The following POLR2H variants were observed in gnomAD, a reference collection of about 807,000 sequenced individuals.
POLR2H encodes DNA-directed RNA polymerases I, II, and III subunit RPABC3.
Under a neutral mutation model 18.1 loss-of-function variants are expected in POLR2H, and 3 were observed. The observed-to-expected ratio is 0.17, with a 90% CI of 0.08 to 0.43. The LOEUF (loss-of-function observed/expected upper bound fraction) is 0.43, where lower values mean the gene tolerates loss of function less well. Ranked by LOEUF, POLR2H falls within the 20% of genes least tolerant of loss-of-function variation. The probability of loss-of-function intolerance (pLI) is 0.99; values close to 1 mark genes in which losing one functional copy is unlikely to be tolerated. For synonymous variants in POLR2H, 76 were observed against 69.0 expected, an observed-to-expected ratio of 1.10 and a Z score of -0.50; for missense variants, 103 against 184.6, an observed-to-expected ratio of 0.56 and a Z score of 2.56.
At chr3:184,367,492 C>CTTTTT (rs202193300) in intron 5 of POLR2H, among the ~76,000 whole-genome samples, 4 of 143,110 alleles carry the variant, frequency 2.8e-5, no homozygotes, top group Admixed American at 7.0e-5. Context: ...CTTTTCTTTT[C>CTTTTT]TTTTTTTTTT....
chr3:184,363,421 G>A lies in POLR2H; in HGVS notation c.-72G>A, dbSNP rs1712633031. 7.8e-7 allele frequency: 1 copy of A among 1,281,106 alleles called. No individual in the cohort carries two copies. Among genetic ancestry groups the A allele is most frequent in the Non-Finnish European group, 1.1e-6 (1 of 883,584 alleles). 79.4% of individuals were successfully genotyped at this position (1,281,106 alleles called of 1,614,324 possible). A position where few individuals can be genotyped will look rare whatever the true frequency, so the allele number is the denominator to read the frequency against. ...TTTGGTTCTCTCCGGTCTTGTCCAC[G>A]CTAGGGGGTGCACGTACTCCCAACT... is the stretch of plus-strand genomic sequence containing the variant. On this transcript the variant is annotated 5_prime_UTR_variant, in exon 2 of 6. Coordinates refer to ENST00000456318, the MANE Select transcript of POLR2H (RefSeq NM_006232.5).
rs1712240193 is a variant in POLR2H at position 184,362,133 on chromosome 3, C to G, written c.-634C>G. The G allele has an allele frequency of 6.6e-6, 1 of 151,856 alleles. No homozygotes were observed. The highest frequency in any genetic ancestry group is 2.0e-4 in the East Asian group (1 of 5,082). 9.4% of individuals were successfully genotyped at this position (151,856 alleles called of 1,614,324 possible). On this transcript the variant is annotated 5_prime_UTR_variant, in exon 1 of 6. Coordinates refer to ENST00000456318, the MANE Select transcript of POLR2H (RefSeq NM_006232.5). The surrounding 1 kb of genome is among the most constrained non-coding windows in gnomAD (Gnocchi z 5.9). ...CCGTCTTCCTCATCCTTCCTTTTCTCGGGGCTCCCGTGGGTAGGTGCACTT... is the reference window on the plus strand; with the variant it reads ...CCGTCTTCCTCATCCTTCCTTTTCTGGGGGCTCCCGTGGGTAGGTGCACTT...
rs1491302409 is a variant in POLR2H at position 184,367,171 on chromosome 3, G to GTT, written c.335+371_335+372insTT. Among the ~76,000 whole-genome samples, 360 of 85,168 alleles carry GTT rather than the reference G, an allele frequency of 4.2e-3. 1 individual carries two copies. Among genetic ancestry groups the GTT allele is most frequent in the Middle Eastern group, 0.013 (2 of 154 alleles). 55.9% of individuals were successfully genotyped at this position (85,168 alleles called of 152,430 possible). A position where few individuals can be genotyped will look rare whatever the true frequency, so the allele number is the denominator to read the frequency against. On this transcript the variant is annotated intron_variant, in intron 5 of 5. Transcript: ENST00000456318. The stretch of plus-strand genomic sequence containing the variant: ...TGTGTGTGTGTGTGTGTGTGTGTGT[G>GTT]GCTACTCTGTAACCCAATCCCTAGT...
chr3:184,367,098 G>GTA (rs1359230516), intron 5 of POLR2H, among the ~76,000 whole-genome samples: 10 of 49,222 alleles, frequency 2.0e-4, no homozygotes, highest in Non-Finnish European at 3.5e-4. Context: ...GGCTTTGTGT[G>GTA]TGTGTGTGTG....
At chr3:184,368,108 C>G (rs1346599113) in intron 5 of POLR2H, 69 bp from the exon 6 acceptor site, 1 of 1,612,606 alleles carries the variant, frequency 6.2e-7, no homozygotes. Flanking sequence ...TCTTCTCTTT[C>G]TTAGGCTGAG....
intron 4 of POLR2H, chr3:184,365,511 G>GAAA: frequency 1.1e-5 from 3 of 261,136 alleles, no homozygotes; most frequent in Non-Finnish European, 2.1e-5. Context: ...AAAGAAGAGA[G>GAAA]AAAAAAAAAA....
intron 4 of POLR2H, among the ~76,000 whole-genome samples, chr3:184,366,338 A>AT (rs567119001): frequency 0.029 from 3,932 of 135,116 alleles, 226 homozygotes; most frequent in African/African-American, 0.1. Flanking sequence ...ACCAGTAACC[A>AT]TTTTTTTTTT....
chr3:184,364,156 C>T (rs1712819117), intron 2 of POLR2H, among the ~76,000 whole-genome samples: 1 of 152,212 alleles, frequency 6.6e-6, no homozygotes, highest in Non-Finnish European at 1.5e-5. Flanking sequence ...ACTTCAGAGC[C>T]TATATTCTTG....
At chr3:184,363,640 C>G (rs1419457188) in intron 2 of POLR2H, 75 bp downstream of exon 2, 1 of 1,198,458 alleles carries the variant, frequency 8.3e-7, no homozygotes, top group African/African-American at 1.5e-5. Context: ...CCGTGTCCAC[C>G]CAGCTCTTGT....
At chr3:184,363,663 C>A in intron 2 of POLR2H, 98 bp downstream of exon 2, 1 of 860,454 alleles carries the variant, frequency 1.2e-6, no homozygotes, top group Non-Finnish European at 1.9e-6. Context: ...CCTGCCCCTA[C>A]CAGCAGGTCC....
chr3:184,365,624 T>C (rs1713098864), intron 4 of POLR2H: 1 of 217,172 alleles, frequency 4.6e-6, no homozygotes, highest in African/African-American at 2.3e-5. Context: ...TGAGCCATGA[T>C]TGCACCACTG....
At position 184,364,808 on chromosome 3, in the gene POLR2H, T is replaced by G. The variant is rs1222905314; in HGVS notation, c.74-158T>G. On this transcript the variant is annotated intron_variant, in intron 2 of 5. Transcript: ENST00000456318. The stretch of plus-strand genomic sequence containing the variant: ...ACAGTTTTTCTCCCCTTTTCCTTCT[T>G]GCATATCTGGTTCTGATTGAGCCTG... 4 of 594,728 alleles carry G rather than the reference T, an allele frequency of 6.7e-6. No individual in the cohort carries two copies. In the African/African-American group the frequency reaches 7.4e-5, roughly 11 times the overall value. 36.8% of individuals were successfully genotyped at this position (594,728 alleles called of 1,614,324 possible).
At chr3:184,365,932 C>A (rs1186981635) in intron 4 of POLR2H, among the ~76,000 whole-genome samples, 1 of 148,192 alleles carries the variant, frequency 6.7e-6, no homozygotes, top group African/African-American at 2.5e-5. Context: ...GCCGAGATCC[C>A]GCCACTGCAC....
At chr3:184,365,382 C>T in intron 4 of POLR2H, 156 bp downstream of exon 4, 1 of 656,184 alleles carries the variant, frequency 1.5e-6, no homozygotes, top group South Asian at 1.8e-5. Flanking sequence ...TCAAACAGGC[C>T]AGGCACCGTG....
chr3:184,368,379 T>A lies in POLR2H; in HGVS notation c.*85T>A. ...TGAGTGGCAGCCGCTCTTGCTCACC[T>A]GTTGAGGAAGGGCTGGCTCACTGTC... is the stretch of plus-strand genomic sequence containing the variant. On this transcript the variant is annotated 3_prime_UTR_variant, in exon 6 of 6. Coordinates refer to ENST00000456318, the MANE Select transcript of POLR2H (RefSeq NM_006232.5). The A allele has an allele frequency of 1.7e-6, 2 of 1,168,108 alleles. No homozygotes were observed. The highest frequency in any genetic ancestry group is 2.4e-6 in the Non-Finnish European group (2 of 830,336). 72.4% of individuals were successfully genotyped at this position (1,168,108 alleles called of 1,614,324 possible).
rs374945104 is a variant in POLR2H at position 184,363,487 on chromosome 3, C to A, written c.-6C>A. The A allele has an allele frequency of 7.4e-5, 119 of 1,613,804 alleles. No homozygotes were observed. In the African/African-American group the frequency reaches 1.3e-3, roughly 18 times the overall value. On this transcript the variant is annotated 5_prime_UTR_variant, in exon 2 of 6. Coordinates refer to ENST00000456318, the MANE Select transcript of POLR2H (RefSeq NM_006232.5). ...CCCCTTCTGCTGCTCTCGTGGCCCC[C>A]TCGCGATGGCGGGCATCCTGTTTGA...
intron 5 of POLR2H, 165 bp from the exon 6 acceptor site, chr3:184,368,012 T>G: frequency 2.8e-5 from 26 of 925,546 alleles, no homozygotes; most frequent in Non-Finnish European, 3.8e-5. Flanking sequence ...TTTCTTAGGC[T>G]GAGATGGAAC....
chr3:184,365,925 G>A (rs1260260696), intron 4 of POLR2H, among the ~76,000 whole-genome samples: 8 of 137,530 alleles, frequency 5.8e-5, no homozygotes, highest in East Asian at 2.2e-4. Context: ...GCAGTGAGCC[G>A]AGATCCCGCC....
intron 4 of POLR2H, 84 bp from the exon 5 acceptor site, chr3:184,366,633 C>T (rs779901924): frequency 8.1e-5 from 67 of 830,378 alleles, no homozygotes; most frequent in Non-Finnish European, 1.2e-4. Flanking sequence ...CCACCACGCC[C>T]GGCTGACCAG....
Sources: allele counts gnomAD v4.1 joint callset (sites outside exome capture counted in the v4.1 genomes callset), GRCh38; gene constraint gnomAD v4.1.1; non-coding constraint Gnocchi (gnomAD v3.1); transcripts MANE v1.5; gene names NCBI Gene and HGNC (gene_info 2026-07-23, HGNC 2026-07-21).